PRPF38B: variants seen among roughly 807,000 people sequenced by gnomAD.
The protein encoded by PRPF38B is pre-mRNA-splicing factor 38B.
PRPF38B carries 18 observed loss-of-function variants against 67.2 expected under a neutral mutation model. The ratio of observed to expected loss-of-function variants is 0.27; its 90% CI spans 0.19 to 0.40. The LOEUF is 0.40. Ranked by LOEUF, PRPF38B falls within the 10% of genes least tolerant of loss-of-function variation. The pLI is 1.00. For missense variants in PRPF38B, 544 were observed against 684.9 expected, an observed-to-expected ratio of 0.79 and a Z score of 2.30; for synonymous variants, 246 against 234.2, an observed-to-expected ratio of 1.05 and a Z score of -0.46.
chr1:108,695,881 C>A, intron 2 of PRPF38B, 111 bp downstream of exon 2: 1 of 1,375,448 alleles, frequency 7.3e-7, no homozygotes. Context: ...TTTTTTAATC[C>A]AAATTCAAGT....
rs748267960 is a variant in PRPF38B at position 108,700,045 on chromosome 1, A to G, written c.*25A>G. On this transcript the variant is annotated 3_prime_UTR_variant, in exon 6 of 6. Transcript: ENST00000370025. ...AAAATATTTTGTAAAAGTGGATCAC[A>G]TTGAATCCTATAAATGATTAAATCT... The G allele has an allele frequency of 1.1e-5, 17 of 1,561,502 alleles. No individual in the cohort carries two copies. Among genetic ancestry groups the G allele is most frequent in the East Asian group, 2.2e-5 (1 of 44,498 alleles).
intron 2 of PRPF38B, 61 bp downstream of exon 2, chr1:108,695,831 G>C: frequency 6.4e-7 from 1 of 1,551,178 alleles, no homozygotes; most frequent in Admixed American, 1.8e-5. Flanking sequence ...TTTATATTTA[G>C]AGAACTAGAG....
chr1:108,695,936 T>G, intron 2 of PRPF38B, 107 bp from the exon 3 acceptor site: 1 of 1,386,804 alleles, frequency 7.2e-7, no homozygotes, highest in African/African-American at 1.4e-5. Context: ...TTAATGCTCC[T>G]TAGTTCTGGA....
Position 108,695,692 on chromosome 1 carries a change from C to G in PRPF38B, c.277-10C>G, listed in dbSNP as rs368061409. 66 of 1,613,194 alleles carry G rather than the reference C, an allele frequency of 4.1e-5. No homozygotes were observed. Among genetic ancestry groups the G allele is most frequent in the Non-Finnish European group, 5.6e-5 (66 of 1,179,596 alleles). On this transcript the variant is annotated splice_polypyrimidine_tract_variant and intron_variant, in intron 1 of 5. Coordinates refer to ENST00000370025, the MANE Select transcript of PRPF38B (RefSeq NM_018061.4). ...TGAATGTTTGTTGTGTTCCTCTTTT[C>G]TATTTTCAGGTCACGCACGTTGAAC...
Position 108,699,723 on chromosome 1 carries a change from TAGA to T in PRPF38B, c.1347_1349del (p.Arg449del), listed in dbSNP as rs1660260461. 6.2e-7 allele frequency: 1 copy of T among 1,612,304 alleles called. No individual in the cohort carries two copies. Among genetic ancestry groups the T allele is most frequent in the Non-Finnish European group, 8.5e-7 (1 of 1,179,336 alleles). On this transcript the variant is annotated inframe_deletion, in exon 6 of 6. Coordinates refer to ENST00000370025, the MANE Select transcript of PRPF38B (RefSeq NM_018061.4). Reference sequence around the variant, plus strand: ...GAAGTAGAAATGCAGGGAAACGAAGTAGAAGTAGAAGCAAAGAGAAATCAAGTA... The same window carrying T: ...GAAGTAGAAATGCAGGGAAACGAAGTAGTAGAAGCAAAGAGAAATCAAGTA...
rs1302293130 is a variant in PRPF38B, at chr1:108,702,422, C to G, written c.*2402C>G. ...TACAGGTGTGAGCCACCACTCCAGT[C>G]CCTTCTTACGATTTTTAAATATGTT... On this transcript the variant is annotated 3_prime_UTR_variant, in exon 6 of 6. Transcript: ENST00000370025. Among the ~76,000 whole-genome samples, 1 of 152,118 alleles carries G rather than the reference C, an allele frequency of 6.6e-6. No homozygotes were observed. The highest frequency in any genetic ancestry group is 1.5e-5 in the Non-Finnish European group (1 of 68,024).
intron 1 of PRPF38B, among the ~76,000 whole-genome samples, chr1:108,695,124 TC>T (rs1487367301): frequency 6.6e-6 from 1 of 152,194 alleles, no homozygotes. Context: ...AATAAAAAGT[TC>T]CATAATTTTG....
chr1:108,692,369 T>A lies in PRPF38B; in HGVS notation c.-223T>A. The A allele has an allele frequency of 1.8e-6, 1 of 568,800 alleles. No individual in the cohort carries two copies. The highest frequency in any genetic ancestry group is 3.1e-5 in the East Asian group (1 of 32,590). 35.2% of individuals were successfully genotyped at this position (568,800 alleles called of 1,614,324 possible). ...GAGCTCCCTGGCTGCCGGCTCGCCT[T>A]CTGCGTGGAGTTCTCGCGGTCTGGG... On this transcript the variant is annotated 5_prime_UTR_variant, in exon 1 of 6. Transcript: ENST00000370025.
rs1439344240 is a variant in PRPF38B at position 108,695,687 on chromosome 1, CT to C, written c.277-11del. ...AAGTATGAATGTTTGTTGTGTTCCT[CT>C]TTTCTATTTTCAGGTCACGCACGTT... On this transcript the variant is annotated splice_polypyrimidine_tract_variant and intron_variant, in intron 1 of 5. Coordinates refer to ENST00000370025, the MANE Select transcript of PRPF38B (RefSeq NM_018061.4). The C allele has an allele frequency of 6.2e-7, 1 of 1,613,182 alleles. No individual in the cohort carries two copies. The highest frequency in any genetic ancestry group is 8.5e-7 in the Non-Finnish European group (1 of 1,179,466).
chr1:108,698,979 A>G, intron 5 of PRPF38B, 152 bp downstream of exon 5: 1 of 1,364,056 alleles, frequency 7.3e-7, no homozygotes, highest in Non-Finnish European at 9.7e-7. Context: ...TCTTCCTTTC[A>G]GGGCTTTTTC....
chr1:108,692,661 C>A lies in PRPF38B; in HGVS notation c.70C>A (p.Gln24Lys), dbSNP rs772499851. 5 of 1,612,324 alleles carry A rather than the reference C, an allele frequency of 3.1e-6. No individual in the cohort carries two copies. The South Asian group carries it at 5.5e-5, about 18-fold the overall frequency. The change falls in exon 1 of 6, where the codon CAG (glutamine) becomes AAG (lysine). Residue 24 changes from glutamine (Q) to lysine (K), a missense_variant. Gln to Lys is a moderately conservative substitution (Grantham distance 53). Around this residue, in one of 5 missense-constraint regions of PRPF38B, gnomAD observed 70 missense variants for 58.4 expected, o/e 1.20. Transcript: ENST00000370025. The part of the protein sequence containing the change: ...PQHQAAAAAA[Q>K]QQQQCGGGGA... ...GCACCAGGCGGCTGCAGCTGCGGCT[C>A]AGCAACAGCAGCAGTGCGGCGGCGG...
chr1:108,699,271 G>A lies in PRPF38B; in HGVS notation c.892G>A (p.Glu298Lys). The change falls in exon 6 of 6, where the codon GAG (glutamate) becomes AAG (lysine). Residue 298 changes from glutamate to lysine, a missense_variant. By Grantham distance (56) the Glu-to-Lys change is moderately conservative. Transcript: ENST00000370025. ...SSSFDRELER[E>K]KERQRLEREA... ...TAGTTTTGACAGAGAATTAGAAAGA[G>A]AGAAAGAACGCCAGCGACTAGAGCG... 4 of 1,614,050 alleles carry A rather than the reference G, an allele frequency of 2.5e-6. No individual in the cohort carries two copies. The highest frequency in any genetic ancestry group is 3.4e-6 in the Non-Finnish European group (4 of 1,180,010).
In PRPF38B at chr1:108,692,659, C is replaced by A; in HGVS notation, c.68C>A (p.Ala23Asp). 6.2e-7 allele frequency: 1 copy of A among 1,612,284 alleles called. No individual in the cohort carries two copies. Among genetic ancestry groups the A allele is most frequent in the South Asian group, 1.1e-5 (1 of 91,030 alleles). ...QPQHQAAAAA[A>D]QQQQQCGGGG... ...CAGCACCAGGCGGCTGCAGCTGCGGCTCAGCAACAGCAGCAGTGCGGCGGC... is the reference window on the plus strand; with the variant it reads ...CAGCACCAGGCGGCTGCAGCTGCGGATCAGCAACAGCAGCAGTGCGGCGGC... Residue 23 changes from alanine (A) to aspartate (D), a missense_variant, in exon 1 of 6, where the codon GCT (alanine) becomes GAT (aspartate). Transcript: ENST00000370025.
In PRPF38B at chr1:108,702,082, T is replaced by C. The variant is rs1010775834; in HGVS notation, c.*2062T>C. Among the ~76,000 whole-genome samples, 1 of 152,254 alleles carries C rather than the reference T, an allele frequency of 6.6e-6. No individual in the cohort carries two copies. The highest frequency in any genetic ancestry group is 2.4e-5 in the African/African-American group (1 of 41,476). On this transcript the variant is annotated 3_prime_UTR_variant, in exon 6 of 6. Transcript: ENST00000370025. ...GGAGGTGAAAGAACTATCACCTCGA[T>C]TGACAGTTCGATGATCGTCACTACA... is the stretch of plus-strand genomic sequence containing the variant.
intron 1 of PRPF38B, 118 bp downstream of exon 1, chr1:108,692,985 G>C: frequency 7.6e-7 from 1 of 1,310,818 alleles, no homozygotes; most frequent in Non-Finnish European, 1.0e-6. Context: ...GTGGTTCGGC[G>C]GAGGGGTGGC....
chr1:108,698,328 G>T (rs937282167), intron 4 of PRPF38B: 1 of 325,606 alleles, frequency 3.1e-6, no homozygotes. Context: ...CAATCGTTCC[G>T]CATAGTTTAG....
At chr1:108,693,645 A>G (rs1249900966) in intron 1 of PRPF38B, 2 of 974,794 alleles carry the variant, frequency 2.1e-6, no homozygotes, top group Non-Finnish European at 1.2e-6. Context: ...AGGTAGAGGT[A>G]TGCACTATTA....
intron 4 of PRPF38B, chr1:108,697,349 A>C: frequency 6.6e-6 from 1 of 152,388 alleles, no homozygotes. Flanking sequence ...TACCCAGTCT[A>C]CTACTTTGTG....
chr1:108,692,568 C>T lies in PRPF38B; in HGVS notation c.-24C>T, dbSNP rs1557758526. 7 of 1,530,864 alleles carry T rather than the reference C, an allele frequency of 4.6e-6. No individual in the cohort carries two copies. Among genetic ancestry groups the T allele is most frequent in the East Asian group, 2.4e-5 (1 of 41,184 alleles). 94.8% of individuals were successfully genotyped at this position (1,530,864 alleles called of 1,614,324 possible). On this transcript the variant is annotated 5_prime_UTR_variant, in exon 1 of 6. Coordinates refer to ENST00000370025, the MANE Select transcript of PRPF38B (RefSeq NM_018061.4). ...TTGGCCCCCTCCCCCCCCTCCTTCC[C>T]TCCCTCCTTCCTTCCGCCGCAACAT...
Sources: allele counts gnomAD v4.1 joint callset (sites outside exome capture counted in the v4.1 genomes callset), GRCh38; gene constraint gnomAD v4.1.1; regional missense constraint gnomAD v4.1.1; transcripts MANE v1.5; gene names NCBI Gene and HGNC (gene_info 2026-07-23, HGNC 2026-07-21).